The following POLI variants were observed in gnomAD, a reference collection of about 807,000 sequenced individuals.
The protein encoded by POLI is DNA polymerase iota, also known as RAD30 homolog B.
A neutral mutation model predicts 51.6 loss-of-function variants in POLI; 58 were observed. The ratio of observed to expected loss-of-function variants is 1.12; its 90% CI spans 0.91 to 1.40. POLI has a LOEUF of 1.40. Among genes scored for constraint, POLI ranks in the 40% most tolerant of loss-of-function variants. The pLI, the probability that POLI is intolerant of heterozygous loss-of-function variation, is 0.00. For synonymous variants in POLI, 322 were observed against 299.7 expected, an observed-to-expected ratio of 1.07 and a Z score of -0.77; for missense variants, 921 against 871.3, an observed-to-expected ratio of 1.06 and a Z score of -0.72.
At chr18:54,316,036 C>T (rs1274388106) in intron 3 of POLI, among the ~76,000 whole-genome samples, 1 of 152,084 alleles carries the variant, frequency 6.6e-6, no homozygotes, top group Non-Finnish European at 1.5e-5. Context: ...CTGCCTCAGC[C>T]TCCTGAGTAG....
At chr18:54,278,282 C>T (rs2144493183) in intron 4 of POLI, among the ~76,000 whole-genome samples, 1 of 152,268 alleles carries the variant, frequency 6.6e-6, no homozygotes, top group Middle Eastern at 3.4e-3. Flanking sequence ...GGCAACAGAG[C>T]AAGATCCCAT....
intron 3 of POLI, among the ~76,000 whole-genome samples, chr18:54,306,704 T>C (rs2088591792): frequency 6.6e-6 from 1 of 152,316 alleles, no homozygotes; most frequent in African/African-American, 2.4e-5. Flanking sequence ...CATCTGTTCC[T>C]GGACTTTTTT....
Position 54,295,204 on chromosome 18 carries a change from G to T in POLI, c.*737G>T, listed in dbSNP as rs2088259938. 2.2e-5 allele frequency: 22 copies of T among 985,392 alleles called. No individual in the cohort carries two copies. Among genetic ancestry groups the T allele is most frequent in the Non-Finnish European group, 2.7e-5 (22 of 829,924 alleles). 61.0% of individuals were successfully genotyped at this position (985,392 alleles called of 1,614,324 possible). A position where few individuals can be genotyped will look rare whatever the true frequency, so the allele number is the denominator to read the frequency against. ...GAAAGGCAAGGTGATGGGCCTATAAGCATACTGGATAATGGAAGAAGTCCA... is the reference window on the plus strand; with the variant it reads ...GAAAGGCAAGGTGATGGGCCTATAATCATACTGGATAATGGAAGAAGTCCA... On this transcript the variant is annotated 3_prime_UTR_variant, in exon 10 of 10. Transcript: ENST00000579534.
downstream of POLI, among the ~76,000 whole-genome samples, chr18:54,298,775 G>A (rs535750708): frequency 1.4e-3 from 213 of 151,792 alleles, 1 homozygote; most frequent in African/African-American, 4.9e-3. Context: ...TTTTAATAGA[G>A]ATGGCATTTC....
chr18:54,283,803 C>T, intron 6 of POLI, 119 bp from the exon 7 acceptor site: 1 of 493,160 alleles, frequency 2.0e-6, no homozygotes. Flanking sequence ...ATGGCTCAAA[C>T]TAAGGACAAG....
At chr18:54,318,996 G>A (rs925935788) in intron 3 of POLI, among the ~76,000 whole-genome samples, 2 of 151,980 alleles carry the variant, frequency 1.3e-5, no homozygotes, top group Admixed American at 1.3e-4. Context: ...ATCTTTCTTG[G>A]GGTTCCCAAG....
intron 3 of POLI, among the ~76,000 whole-genome samples, chr18:54,305,812 G>A (rs1253764252): frequency 6.6e-6 from 1 of 151,924 alleles, no homozygotes; most frequent in East Asian, 1.9e-4. Flanking sequence ...AGGCTGGAGT[G>A]CAGTGGTGCT....
Position 54,282,847 on chromosome 18 carries a change from T to A in POLI, c.807T>A (p.Tyr269Ter). ...NHIKEIPGIG[Y>*]KTAKCLEALG... is the part of the protein sequence containing the mutation. ...TTTCTTTTTATTTAGGTATTGGCTA[T>A]AAAACTGCCAAATGTCTTGAAGCAC... The change falls in exon 6 of 10, where the codon TAT becomes TAA. Residue 269 changes from tyrosine to a stop codon, truncating the protein, a stop_gained. Transcript: ENST00000579534. LOFTEE classifies it high-confidence loss of function. 2 of 1,549,462 alleles carry A rather than the reference T, an allele frequency of 1.3e-6. No homozygotes were observed. The highest frequency in any genetic ancestry group is 2.4e-5 in the East Asian group (1 of 42,260).
chr18:54,285,386 C>A (rs557656), intron 7 of POLI, among the ~76,000 whole-genome samples: 116,742 of 151,766 alleles, frequency 0.77, 45,703 homozygotes, highest in African/African-American at 0.93. Context: ...AAACCTGTGA[C>A]ATACAAAACC....
At position 54,287,230 on chromosome 18, in the gene POLI, A is replaced by G; in HGVS notation, c.1068-51A>G. On this transcript the variant is annotated intron_variant, in intron 7 of 9. Transcript: ENST00000579534. ...GATAAATGAGATGTTACATAATTTA[A>G]AAAGGTAATACTTTTCTAATTCCTT... The G allele has an allele frequency of 2.3e-6, 3 of 1,328,050 alleles. No individual in the cohort carries two copies. The South Asian group carries it at 4.0e-5, about 18-fold the overall frequency. 82.3% of individuals were successfully genotyped at this position (1,328,050 alleles called of 1,614,324 possible). A position where few individuals can be genotyped will look rare whatever the true frequency, so the allele number is the denominator to read the frequency against.
chr18:54,278,594 A>G (rs543736197), intron 4 of POLI, among the ~76,000 whole-genome samples: 9 of 152,326 alleles, frequency 5.9e-5, no homozygotes, highest in Middle Eastern at 3.4e-3. Flanking sequence ...ATCTTCTCCA[A>G]GCTCCTATTT....
chr18:54,277,269 T>G (rs1338017993), intron 3 of POLI, among the ~76,000 whole-genome samples: 1 of 152,236 alleles, frequency 6.6e-6, no homozygotes, highest in African/African-American at 2.4e-5. Context: ...TAAATATTAT[T>G]TTGTTTTGCC....
rs2086999789 is a variant in POLI at position 54,271,483 on chromosome 18, T to C, written c.239T>C (p.Leu80Ser). ...AATCCAGAGCTAAAAGACAAACCTT[T>C]AGGTAACTGTAGATTTATAATATTT... ...ISNPELKDKPLGVQQKYLVVT... is the reference protein window; with the variant it reads ...ISNPELKDKPSGVQQKYLVVT... The change falls in exon 2 of 10, where the codon TTA becomes TCA. Residue 80 changes from leucine (L) to serine (S), a missense_variant and splice_region_variant. Coordinates refer to ENST00000579534, the MANE Select transcript of POLI (RefSeq NM_007195.3). The C allele has an allele frequency of 1.3e-6, 2 of 1,578,746 alleles. No homozygotes were observed. The highest frequency in any genetic ancestry group is 1.7e-6 in the Non-Finnish European group (2 of 1,156,302).
intron 3 of POLI, among the ~76,000 whole-genome samples, chr18:54,316,355 G>T (rs1046759122): frequency 1.3e-5 from 2 of 152,176 alleles, no homozygotes; most frequent in African/African-American, 2.4e-5. Context: ...AATCTCATAA[G>T]CTTTTCTTGT....
At chr18:54,279,180 T>A (rs1026856123) in intron 4 of POLI, among the ~76,000 whole-genome samples, 2 of 152,036 alleles carry the variant, frequency 1.3e-5, no homozygotes, top group African/African-American at 4.8e-5. Flanking sequence ...TTTATTAAAA[T>A]TTTTTGTAAA....
At chr18:54,314,225 A>T (rs1441815980) in intron 3 of POLI, among the ~76,000 whole-genome samples, 2 of 151,756 alleles carry the variant, frequency 1.3e-5, no homozygotes, top group African/African-American at 4.8e-5. Context: ...TTTTGTTTTT[A>T]ATTCTTCCTG....
chr18:54,305,480 T>G (rs2088566792), intron 3 of POLI, among the ~76,000 whole-genome samples: 1 of 151,352 alleles, frequency 6.6e-6, no homozygotes, highest in Non-Finnish European at 1.5e-5. Context: ...TTCACATCCC[T>G]TGTAAGTTGG....
chr18:54,269,599 AG>A lies in POLI; in HGVS notation c.55del (p.Glu19LysfsTer37), dbSNP rs2086906713. 6 of 1,501,892 alleles carry A rather than the reference AG, an allele frequency of 4.0e-6. No homozygotes were observed. Among genetic ancestry groups the A allele is most frequent in the Admixed American group, 4.9e-5 (2 of 40,570 alleles). The allele number at this position is 1,501,892 out of a possible 1,614,324, so 93.0% of individuals were successfully genotyped here. A position where few individuals can be genotyped will look rare whatever the true frequency, so the allele number is the denominator to read the frequency against. On this transcript the variant is annotated frameshift_variant, in exon 1 of 10. Coordinates refer to ENST00000579534, the MANE Select transcript of POLI (RefSeq NM_007195.3). LOFTEE classifies it high-confidence loss of function. ...GAGGAAGGCGGCGGCGACGACGACG[AG>A]GAAGACGCCGAGGCCTGGGCCATGG... ...PEEEGGGDDDEEDAEAWAMEL... is the reference protein window; with the variant it reads ...PEEEGGGDDDXEDAEAWAMEL...
At chr18:54,273,321 GGAGAA>G (rs754862452) in intron 2 of POLI, among the ~76,000 whole-genome samples, 11 of 150,376 alleles carry the variant, frequency 7.3e-5, no homozygotes, top group Admixed American at 4.0e-4. Context: ...AGCAAGTTAC[GGAGAA>G]GAGAAGTTGA....
Sources: gnomAD v4.1 joint callset for allele counts (sites outside exome capture counted in the v4.1 genomes callset) on GRCh38, gnomAD v4.1.1 for gene constraint, MANE v1.5 for transcripts, NCBI Gene and HGNC (gene_info 2026-07-23, HGNC 2026-07-21) for gene names.